Variants in BOLL observed in about 807,000 individuals in gnomAD.
BOLL encodes the protein protein boule-like.
In BOLL, 23 loss-of-function variants were observed where a neutral mutation model predicts 44.4. That is an observed-to-expected ratio of 0.52 (90% confidence interval 0.37 to 0.73). The LOEUF is 0.73. Among genes scored for constraint, BOLL ranks in the 30% least tolerant of loss-of-function variants. BOLL has a pLI of 0.00. For synonymous variants in BOLL, 97 were observed against 110.8 expected, an observed-to-expected ratio of 0.88 and a Z score of 0.78; for missense variants, 287 against 338.3, an observed-to-expected ratio of 0.85 and a Z score of 1.19.
At chr2:197,734,125 AAAC>A (rs1186324226) in intron 10 of BOLL, among the ~76,000 whole-genome samples, 2 of 151,340 alleles carry the variant, frequency 1.3e-5, no homozygotes, top group Non-Finnish European at 2.9e-5. Context: ...AGAAAAAAAC[AAAC>A]AACCCCATCA....
chr2:197,755,644 C>A (rs963918121), intron 9 of BOLL, among the ~76,000 whole-genome samples: 3 of 152,166 alleles, frequency 2.0e-5, no homozygotes, highest in Non-Finnish European at 2.9e-5. Context: ...AACACAGGGA[C>A]AGAAAACCAA....
At chr2:197,739,134 G>C (rs916826747) in intron 10 of BOLL, among the ~76,000 whole-genome samples, 2 of 151,974 alleles carry the variant, frequency 1.3e-5, no homozygotes, top group African/African-American at 4.8e-5. Context: ...AAAATGCATA[G>C]AACATTTAAT....
intron 9 of BOLL, among the ~76,000 whole-genome samples, chr2:197,752,546 A>G (rs1390945949): frequency 6.6e-6 from 1 of 152,250 alleles, no homozygotes; most frequent in Non-Finnish European, 1.5e-5. Context: ...GCAAACTCCC[A>G]TTCACAATTG....
At chr2:197,760,449 G>A (rs1688702979) in intron 7 of BOLL, among the ~76,000 whole-genome samples, 1 of 152,164 alleles carries the variant, frequency 6.6e-6, no homozygotes, top group Non-Finnish European at 1.5e-5. Context: ...CCAGACCTGA[G>A]AAACAGCCCC....
rs191528754 is a variant in BOLL at position 197,727,133 on chromosome 2, T to A, written c.*1422A>T. 5.0e-3 allele frequency: 769 copies of A among 152,494 alleles called. 2 individuals are homozygous for A. Among genetic ancestry groups the A allele is most frequent in the Non-Finnish European group, 7.6e-3 (517 of 68,028 alleles). 9.4% of individuals were successfully genotyped at this position (152,494 alleles called of 1,614,324 possible). On this transcript the variant is annotated 3_prime_UTR_variant, in exon 11 of 11. Coordinates refer to ENST00000392296, the MANE Select transcript of BOLL (RefSeq NM_033030.6). ...AATTAATGTATTTGAGATCCTTGTA[T>A]GCTAGTATACATTCATAAGGTTCTA... is the stretch of plus-strand genomic sequence containing the variant.
intron 1 of BOLL, among the ~76,000 whole-genome samples, chr2:197,784,391 C>CATACATATATATATATATATAT (rs1305139578): frequency 1.8e-5 from 1 of 55,000 alleles, no homozygotes; most frequent in African/African-American, 8.5e-5. Context: ...CAGTCTAATA[C>CATACATATATATATATATATAT]ATATATATAT....
chr2:197,785,176 G>A lies in BOLL; in HGVS notation c.-136C>T. ...TCGGGTCATCGTGAACTTGGGCACCGAAACGAGGATCCACCCCCTCCCCAC... is the reference window on the plus strand; with the variant it reads ...TCGGGTCATCGTGAACTTGGGCACCAAAACGAGGATCCACCCCCTCCCCAC... On this transcript the variant is annotated 5_prime_UTR_variant, in exon 1 of 11. Transcript: ENST00000392296. The surrounding 1 kb of genome is among the most constrained non-coding windows in gnomAD (Gnocchi z 6.7). The A allele has an allele frequency of 1.0e-6, 1 of 985,930 alleles. No individual in the cohort carries two copies. Among genetic ancestry groups the A allele is most frequent in the Non-Finnish European group, 1.2e-6 (1 of 829,926 alleles). 61.1% of individuals were successfully genotyped at this position (985,930 alleles called of 1,614,324 possible).
Position 197,746,215 on chromosome 2 carries a change from G to C in BOLL, c.730-3056C>G, listed in dbSNP as rs574868218. Among the ~76,000 whole-genome samples the C allele has an allele frequency of 3.9e-5, 6 of 152,210 alleles. No individual in the cohort carries two copies. In the East Asian group the frequency reaches 1.2e-3, roughly 29 times the overall value. On this transcript the variant is annotated intron_variant, in intron 9 of 10. Transcript: ENST00000392296. ...TGCTGGTGGGAATGTAAATTAGTAT[G>C]GCCATTTTGGAAAACAGTAGGGTGG...
intron 10 of BOLL, among the ~76,000 whole-genome samples, chr2:197,741,073 G>C (rs1687708687): frequency 6.6e-6 from 1 of 152,096 alleles, no homozygotes; most frequent in Non-Finnish European, 1.5e-5. Flanking sequence ...ACCTTGGGCA[G>C]TATGGCCATT....
intron 6 of BOLL, 109 bp from the exon 7 acceptor site, chr2:197,766,712 A>G: frequency 1.3e-6 from 1 of 750,776 alleles, no homozygotes; most frequent in Middle Eastern, 2.5e-4. Context: ...GTTTATGATT[A>G]GAAATATTAT....
Position 197,728,300 on chromosome 2 carries a change from G to C in BOLL, c.*255C>G, listed in dbSNP as rs1168587772. The stretch of plus-strand genomic sequence containing the variant: ...AATGGATAAAACATGTTGTAGAAAA[G>C]GTCATTACAGTTAGGTTAGCACATA... On this transcript the variant is annotated 3_prime_UTR_variant, in exon 11 of 11. Transcript: ENST00000392296. 4 of 544,424 alleles carry C rather than the reference G, an allele frequency of 7.3e-6. No homozygotes were observed. The highest frequency in any genetic ancestry group is 3.8e-5 in the African/African-American group (2 of 52,742). The allele number at this position is 544,424 out of a possible 1,614,324, so 33.7% of individuals were successfully genotyped here.
chr2:197,770,440 A>C (rs1388191743), intron 6 of BOLL, among the ~76,000 whole-genome samples: 1 of 152,198 alleles, frequency 6.6e-6, no homozygotes, highest in Non-Finnish European at 1.5e-5. Context: ...GGCATGGGCA[A>C]GGACTTCATG....
At chr2:197,758,981 T>C in intron 7 of BOLL, 4 of 1,535,978 alleles carry the variant, frequency 2.6e-6, no homozygotes, top group African/African-American at 1.4e-5. Flanking sequence ...AGTCCATCCA[T>C]CTTCTTGTAT....
Position 197,727,106 on chromosome 2 carries a change from A to G in BOLL, c.*1449T>C, listed in dbSNP as rs1445611544. 1 of 152,444 alleles carries G rather than the reference A, an allele frequency of 6.6e-6. No individual in the cohort carries two copies. The highest frequency in any genetic ancestry group is 2.4e-5 in the African/African-American group (1 of 41,456). The allele number at this position is 152,444 out of a possible 1,614,324, so 9.4% of individuals were successfully genotyped here. On this transcript the variant is annotated 3_prime_UTR_variant, in exon 11 of 11. Coordinates refer to ENST00000392296, the MANE Select transcript of BOLL (RefSeq NM_033030.6). ...TCTATTTACATTCCTAAAACTGAGA[A>G]TAATTAATGTATTTGAGATCCTTGT...
intron 3 of BOLL, 72 bp from the exon 4 acceptor site, chr2:197,777,185 TA>T: frequency 9.0e-7 from 1 of 1,107,398 alleles, no homozygotes; most frequent in Non-Finnish European, 1.2e-6. Context: ...TTAAAATGTT[TA>T]AAAATTTTGT....
chr2:197,760,950 A>G (rs892026004), intron 7 of BOLL, among the ~76,000 whole-genome samples: 5 of 152,160 alleles, frequency 3.3e-5, no homozygotes, highest in Non-Finnish European at 7.4e-5. Context: ...TATATTCAAA[A>G]TATTGAAGGA....
chr2:197,767,774 T>A (rs1286210469), intron 6 of BOLL, among the ~76,000 whole-genome samples: 1 of 151,978 alleles, frequency 6.6e-6, no homozygotes, highest in Admixed American at 6.6e-5. Flanking sequence ...AGTGCTAAGA[T>A]TGAGAAAGTC....
At chr2:197,731,595 A>G (rs1177484128) in intron 10 of BOLL, among the ~76,000 whole-genome samples, 8 of 130,434 alleles carry the variant, frequency 6.1e-5, no homozygotes, top group African/African-American at 2.5e-4. Context: ...GTAAAAGAAC[A>G]GAAATTATAA....
intron 10 of BOLL, among the ~76,000 whole-genome samples, chr2:197,729,461 G>C (rs770664): frequency 0.73 from 110,305 of 151,994 alleles, 41,150 homozygotes; most frequent in African/African-American, 0.9. Flanking sequence ...GTGGAGCCCA[G>C]CACAGCTCAA....
Sources: allele counts gnomAD v4.1 joint callset (sites outside exome capture counted in the v4.1 genomes callset), GRCh38; gene constraint gnomAD v4.1.1; non-coding constraint Gnocchi (gnomAD v3.1); transcripts MANE v1.5; gene names NCBI Gene and HGNC (gene_info 2026-07-23, HGNC 2026-07-21).